MDGA2: variants seen among roughly 807,000 people sequenced by gnomAD.
The protein encoded by MDGA2 is MAM domain containing glycosylphosphatidylinositol anchor 2, also known as MAM domain-containing glycosylphosphatidylinositol anchor protein 2.
MDGA2 carries 40 observed loss-of-function variants against 117.8 expected under a neutral mutation model. That is an observed-to-expected ratio of 0.34 (90% CI 0.26 to 0.44). The LOEUF is 0.44. Among genes scored for constraint, MDGA2 ranks in the 20% least tolerant of loss-of-function variants. The pLI, the probability that MDGA2 is intolerant of heterozygous loss-of-function variation, is 1.00. For synonymous variants in MDGA2, 452 were observed against 439.0 expected (o/e 1.03, Z -0.37); for missense variants, 1,123 against 1,250.6 (o/e 0.90, Z 1.54).
chr14:47,024,563 T>A (rs1888406503), intron 8 of MDGA2, among the ~76,000 whole-genome samples: 1 of 152,172 alleles, frequency 6.6e-6, no homozygotes, highest in Non-Finnish European at 1.5e-5. Context: ...ATTATCTTCT[T>A]AAAAAGAAAT....
intron 1 of MDGA2, among the ~76,000 whole-genome samples, chr14:47,534,658 G>A (rs572617027): frequency 8.7e-4 from 132 of 152,238 alleles, no homozygotes; most frequent in Middle Eastern, 3.4e-3. Flanking sequence ...CACATGTGGG[G>A]GTTATAGTTT....
chr14:46,972,241 G>A (rs1229292779), intron 8 of MDGA2, among the ~76,000 whole-genome samples: 1 of 152,122 alleles, frequency 6.6e-6, no homozygotes, highest in Non-Finnish European at 1.5e-5. Context: ...CCCAGTTAGT[G>A]CTGGAGAATT....
chr14:47,594,538 T>C (rs1221081075), intron 1 of MDGA2, among the ~76,000 whole-genome samples: 1 of 152,214 alleles, frequency 6.6e-6, no homozygotes, highest in Admixed American at 6.5e-5. Flanking sequence ...AAAAGAGGAC[T>C]CTTTCATTTT....
intron 1 of MDGA2, among the ~76,000 whole-genome samples, chr14:47,562,434 C>G (rs1260961604): frequency 6.6e-6 from 1 of 152,022 alleles, no homozygotes; most frequent in African/African-American, 2.4e-5. Context: ...TTATTGGTAT[C>G]CAGGGATTCT....
intron 10 of MDGA2, among the ~76,000 whole-genome samples, chr14:46,916,762 T>A (rs1035125095): frequency 3.9e-5 from 6 of 152,046 alleles, no homozygotes; most frequent in African/African-American, 1.4e-4. Context: ...TATTGAGACA[T>A]CCCTGAAAGA....
intron 1 of MDGA2, among the ~76,000 whole-genome samples, chr14:47,673,078 CAAG>C (rs1898104876): frequency 1.3e-5 from 2 of 151,994 alleles, no homozygotes; most frequent in Admixed American, 1.3e-4. Flanking sequence ...TCTTGGGAGC[CAAG>C]AAGGGAGCTA....
chr14:47,448,973 A>C (rs1163414554), intron 1 of MDGA2, among the ~76,000 whole-genome samples: 2 of 152,140 alleles, frequency 1.3e-5, no homozygotes, highest in African/African-American at 4.8e-5. Flanking sequence ...AATCCTACAC[A>C]TTTGGTGCCA....
At chr14:47,026,142 C>T (rs1888465653) in intron 8 of MDGA2, among the ~76,000 whole-genome samples, 1 of 152,098 alleles carries the variant, frequency 6.6e-6, no homozygotes, top group Admixed American at 6.6e-5. Flanking sequence ...GATATTACAT[C>T]AAACAATTGA....
chr14:47,379,583 T>C (rs982699387), intron 1 of MDGA2, among the ~76,000 whole-genome samples: 23 of 152,036 alleles, frequency 1.5e-4, no homozygotes, highest in African/African-American at 5.1e-4. Context: ...TAGTCTCGGA[T>C]AAAACAGACT....
At chr14:46,905,196 T>C (rs764545530) in intron 10 of MDGA2, among the ~76,000 whole-genome samples, 1 of 152,180 alleles carries the variant, frequency 6.6e-6, no homozygotes, top group South Asian at 2.1e-4. Flanking sequence ...GGAAAACTCA[T>C]TTTATACAAG....
intron 8 of MDGA2, chr14:46,960,691 G>A (rs541608726): frequency 4.7e-4 from 71 of 150,692 alleles, no homozygotes; most frequent in Admixed American, 1.3e-3. Flanking sequence ...ATACATATGT[G>A]TATATATACA....
At chr14:47,346,427 T>C (rs1407059021) in intron 1 of MDGA2, among the ~76,000 whole-genome samples, 1 of 152,198 alleles carries the variant, frequency 6.6e-6, no homozygotes, top group Non-Finnish European at 1.5e-5. Flanking sequence ...TTTAAAATTT[T>C]AGCCAGTGTG....
intron 5 of MDGA2, among the ~76,000 whole-genome samples, chr14:47,111,022 G>GA (rs958165741): frequency 3.3e-5 from 5 of 151,780 alleles, no homozygotes; most frequent in African/African-American, 7.3e-5. Context: ...GGAGATGTTA[G>GA]AAAAAAAACA....
At chr14:47,168,859 T>C (rs1013185293) in intron 3 of MDGA2, among the ~76,000 whole-genome samples, 3 of 152,092 alleles carry the variant, frequency 2.0e-5, no homozygotes. Flanking sequence ...GATTTTTCTT[T>C]TGACTGGGAA....
chr14:47,026,399 T>C (rs1343933544), intron 8 of MDGA2, among the ~76,000 whole-genome samples: 1 of 152,144 alleles, frequency 6.6e-6, no homozygotes, highest in East Asian at 1.9e-4. Context: ...GAATTTATTT[T>C]TTTCTAATCA....
chr14:47,331,201 T>C (rs1306281029), intron 1 of MDGA2, among the ~76,000 whole-genome samples: 2 of 151,592 alleles, frequency 1.3e-5, no homozygotes, highest in African/African-American at 4.8e-5. Flanking sequence ...CCCAAAATAT[T>C]GAAAAACAAC....
At chr14:47,237,951 G>A (rs1254673870) in intron 2 of MDGA2, among the ~76,000 whole-genome samples, 1 of 151,944 alleles carries the variant, frequency 6.6e-6, no homozygotes, top group African/African-American at 2.4e-5. Flanking sequence ...GCTTCCCATT[G>A]CCCAGAAAAT....
At chr14:46,957,779 T>C (rs1329972185) in intron 8 of MDGA2, 136 bp from the exon 9 acceptor site, 4 of 970,262 alleles carry the variant, frequency 4.1e-6, no homozygotes, top group South Asian at 1.7e-5. Context: ...GAAGAACATA[T>C]TTAAGCCCAG....
At chr14:47,036,270 CAA>C (rs11310113) in intron 7 of MDGA2, among the ~76,000 whole-genome samples, 62 of 74,446 alleles carry the variant, frequency 8.3e-4, no homozygotes, top group East Asian at 2.9e-3. Context: ...ACTCTGTCTC[CAA>C]AAAAAAAAAA....
Sources: gnomAD v4.1 joint callset for allele counts (sites outside exome capture counted in the v4.1 genomes callset) on GRCh38, gnomAD v4.1.1 for gene constraint, MANE v1.5 for transcripts, NCBI Gene and HGNC (gene_info 2026-07-23, HGNC 2026-07-21) for gene names.